DCAF12: variants seen among roughly 807,000 people sequenced by gnomAD.
DCAF12 encodes DDB1 and CUL4 associated factor 12.
In DCAF12, 28 loss-of-function variants were observed where a neutral mutation model predicts 52.8. The ratio of observed to expected loss-of-function variants is 0.53; its 90% CI spans 0.39 to 0.73. The LOEUF (loss-of-function observed/expected upper bound fraction) is 0.73. Among genes scored for constraint, DCAF12 ranks in the 30% least tolerant of loss-of-function variants. DCAF12 has a pLI of 0.00. For missense variants in DCAF12, 425 were observed against 552.2 expected (o/e 0.77, Z 2.31); for synonymous variants, 196 against 215.5 (o/e 0.91, Z 0.79).
chr9:34,098,243 G>T, intron 5 of DCAF12, 81 bp downstream of exon 5: 1 of 1,435,412 alleles, frequency 7.0e-7, no homozygotes, highest in South Asian at 1.3e-5. Context: ...AGCAAGCACT[G>T]ATGGGGAAGG....
At chr9:34,116,720 G>A (rs1829093166) in intron 2 of DCAF12, among the ~76,000 whole-genome samples, 1 of 152,018 alleles carries the variant, frequency 6.6e-6, no homozygotes, top group South Asian at 2.1e-4. Context: ...GGTGGCTCAC[G>A]CCTGTAATCC....
In DCAF12 at chr9:34,106,395, C is replaced by G. The variant is rs752725051; in HGVS notation, c.601+39G>C. The G allele has an allele frequency of 3.9e-6, 6 of 1,544,678 alleles. No individual in the cohort carries two copies. In the Admixed American group the frequency reaches 8.7e-5, roughly 22 times the overall value. On this transcript the variant is annotated intron_variant, in intron 4 of 8. Transcript: ENST00000361264. ...CTTTTCAATCTCTAGCCCCCAATCCCTGCCACATCAAAAGCTCCCTATAAA... is the reference window on the plus strand; with the variant it reads ...CTTTTCAATCTCTAGCCCCCAATCCGTGCCACATCAAAAGCTCCCTATAAA...
intron 4 of DCAF12, among the ~76,000 whole-genome samples, chr9:34,103,533 T>G (rs1029630089): frequency 2.0e-5 from 3 of 152,078 alleles, no homozygotes; most frequent in Non-Finnish European, 4.4e-5. Context: ...TAGGGTTATA[T>G]TATATCCATA....
In DCAF12 at chr9:34,091,527, T is replaced by C. The variant is rs146221846; in HGVS notation, c.1024+1759A>G. On this transcript the variant is annotated intron_variant, in intron 7 of 8. Transcript: ENST00000361264. ...GGCGGACGCTTATAGTCCCAGCTACTCGGGAGGCTGAGGTGGGAGGACTGC... is the reference window on the plus strand; with the variant it reads ...GGCGGACGCTTATAGTCCCAGCTACCCGGGAGGCTGAGGTGGGAGGACTGC... Among the ~76,000 whole-genome samples, 811 of 149,696 alleles carry C rather than the reference T, an allele frequency of 5.4e-3. 4 individuals are homozygous for C. The highest frequency in any genetic ancestry group is 0.047 in the Middle Eastern group (13 of 278).
rs1828590844 is a variant in DCAF12 at position 34,088,282 on chromosome 9, AAAATC to A, written c.*63_*67del. 1 of 1,486,554 alleles carries A rather than the reference AAAATC, an allele frequency of 6.7e-7. No homozygotes were observed. Among genetic ancestry groups the A allele is most frequent in the Admixed American group, 2.5e-5 (1 of 40,058 alleles). 92.1% of individuals were successfully genotyped at this position (1,486,554 alleles called of 1,614,324 possible). On this transcript the variant is annotated 3_prime_UTR_variant, in exon 9 of 9. Coordinates refer to ENST00000361264, the MANE Select transcript of DCAF12 (RefSeq NM_015397.4). Reference sequence around the variant, plus strand: ...AGAGCCTCACACAATTAGGAAAAAAAAAATCAAAAGAAACAAGGAAACTGAGAATG... The same window carrying A: ...AGAGCCTCACACAATTAGGAAAAAAAAAAAGAAACAAGGAAACTGAGAATG...
At chr9:34,107,672 C>T in intron 2 of DCAF12, 107 bp from the exon 3 acceptor site, 2 of 913,456 alleles carry the variant, frequency 2.2e-6, no homozygotes, top group Admixed American at 4.3e-5. Flanking sequence ...TTAACAACTA[C>T]TACATGTTAG....
intron 4 of DCAF12, among the ~76,000 whole-genome samples, chr9:34,102,990 T>A (rs941583038): frequency 7.2e-6 from 1 of 138,106 alleles, no homozygotes; most frequent in African/African-American, 2.8e-5. Flanking sequence ...GGTGGGGTGC[T>A]GAGACAGGAG....
intron 2 of DCAF12, among the ~76,000 whole-genome samples, chr9:34,120,616 G>A (rs1037747341): frequency 6.8e-6 from 1 of 146,518 alleles, no homozygotes; most frequent in Admixed American, 7.0e-5. Flanking sequence ...GTTACAGTGA[G>A]CCAAGATCGT....
chr9:34,119,825 C>A (rs948977019), intron 2 of DCAF12, among the ~76,000 whole-genome samples: 1 of 151,738 alleles, frequency 6.6e-6, no homozygotes, highest in African/African-American at 2.4e-5. Flanking sequence ...CTTCAGCCTC[C>A]TGAGTAGCTA....
intron 7 of DCAF12, chr9:34,089,842 C>T (rs1162018254): frequency 5.5e-6 from 2 of 361,848 alleles, no homozygotes; most frequent in Non-Finnish European, 1.0e-5. Context: ...GTCAGATTCC[C>T]GATGATGCTC....
chr9:34,092,578 C>T (rs908904325), intron 7 of DCAF12, among the ~76,000 whole-genome samples: 11 of 151,648 alleles, frequency 7.3e-5, no homozygotes, highest in East Asian at 2.0e-4. Context: ...CCCACCTACT[C>T]GCGAGGCTGA....
Position 34,088,392 on chromosome 9 carries a change from G to A in DCAF12, c.1320C>T (p.Leu440=). 6.2e-7 allele frequency: 1 copy of A among 1,612,952 alleles called. No individual in the cohort carries two copies. The highest frequency in any genetic ancestry group is 8.5e-7 in the Non-Finnish European group (1 of 1,179,332). The change falls in exon 9 of 9, where the codon CTC becomes CTT. Residue 440 remains leucine (L), a synonymous_variant. Coordinates refer to ENST00000361264, the MANE Select transcript of DCAF12 (RefSeq NM_015397.4). The stretch of plus-strand genomic sequence containing the variant: ...CATAGTTTCCATGGAGCCCTGAAGG[G>A]AGGGGACCTCCTGCCACAAAGAGTT... ...GTKLFVAGGP[L]PSGLHGNYAG...
intron 2 of DCAF12, among the ~76,000 whole-genome samples, chr9:34,111,365 T>C (rs1829000468): frequency 6.6e-6 from 1 of 152,214 alleles, no homozygotes; most frequent in Non-Finnish European, 1.5e-5. Flanking sequence ...ACTCTCTAAA[T>C]GTCCAGGCTG....
chr9:34,105,490 G>C (rs903085648), intron 4 of DCAF12, among the ~76,000 whole-genome samples: 1 of 151,902 alleles, frequency 6.6e-6, no homozygotes, highest in African/African-American at 2.4e-5. Context: ...GTCAACAGTC[G>C]TTATTACTAG....
chr9:34,111,604 T>C (rs907609951), intron 2 of DCAF12, among the ~76,000 whole-genome samples: 4 of 152,204 alleles, frequency 2.6e-5, no homozygotes, highest in East Asian at 3.8e-4. Context: ...ACTACTGTAG[T>C]AGGCCCCCAC....
At chr9:34,118,959 T>C (rs1829130849) in intron 2 of DCAF12, among the ~76,000 whole-genome samples, 1 of 152,118 alleles carries the variant, frequency 6.6e-6, no homozygotes. Context: ...AGTAAGACCC[T>C]GTCTCAAAAA....
rs1828558692 is a variant in DCAF12, at chr9:34,086,480, A to G, written c.*1870T>C. The G allele has an allele frequency of 6.6e-6, 1 of 152,194 alleles. No homozygotes were observed. The highest frequency in any genetic ancestry group is 1.9e-4 in the East Asian group (1 of 5,208). The allele number at this position is 152,194 out of a possible 1,614,324, so 9.4% of individuals were successfully genotyped here. A position where few individuals can be genotyped will look rare whatever the true frequency, so the allele number is the denominator to read the frequency against. ...TCTCAAACAATCAAACGCATTACCCATTACAGAAGAGGGTCTAGCAATAGT... is the reference window on the plus strand; with the variant it reads ...TCTCAAACAATCAAACGCATTACCCGTTACAGAAGAGGGTCTAGCAATAGT... On this transcript the variant is annotated 3_prime_UTR_variant, in exon 9 of 9. Transcript: ENST00000361264.
At chr9:34,117,059 C>T (rs534961988) in intron 2 of DCAF12, among the ~76,000 whole-genome samples, 1 of 152,158 alleles carries the variant, frequency 6.6e-6, no homozygotes, top group Non-Finnish European at 1.5e-5. Context: ...TAAACTGTTC[C>T]TACACAAGAT....
At chr9:34,101,162 C>T (rs770475452) in intron 4 of DCAF12, among the ~76,000 whole-genome samples, 6 of 150,986 alleles carry the variant, frequency 4.0e-5, no homozygotes, top group Non-Finnish European at 7.4e-5. Context: ...GCCTCAACCT[C>T]CTGGGCTTCA....
Sources: gnomAD v4.1 joint callset for allele counts (sites outside exome capture counted in the v4.1 genomes callset) on GRCh38, gnomAD v4.1.1 for gene constraint, MANE v1.5 for transcripts, NCBI Gene and HGNC (gene_info 2026-07-23, HGNC 2026-07-21) for gene names.